The following TSPAN5 variants were observed in gnomAD, a reference collection of about 807,000 sequenced individuals.
The protein encoded by TSPAN5 is tetraspanin 5, also known as tetraspanin-5.
TSPAN5 carries 10 observed loss-of-function variants against 37.1 expected under a neutral mutation model. The ratio of observed to expected loss-of-function variants is 0.27; its 90% CI spans 0.17 to 0.46. The LOEUF is 0.46. Ranked by LOEUF, TSPAN5 falls within the 20% of genes least tolerant of loss-of-function variation. The pLI is 1.00. For synonymous variants in TSPAN5, 110 were observed against 118.9 expected (o/e 0.93, Z 0.48); for missense variants, 195 against 326.6 (o/e 0.60, Z 3.11).
At chr4:98,652,153 C>A (rs12507322) in intron 1 of TSPAN5, among the ~76,000 whole-genome samples, 1,752 of 152,264 alleles carry the variant, frequency 0.012, 107 homozygotes, top group Admixed American at 0.094. Context: ...AGCCCCCAAG[C>A]CTGGCCCAAA....
In TSPAN5 at chr4:98,544,179, CTGAATGAA is replaced by C. The variant is rs150914789; in HGVS notation, c.82-36459_82-36452del. ...TGAGTGACAGAGCAAGACCCTGTCTCTGAATGAATGAATGAATGAATGAACAAACAAGT... is the reference window on the plus strand; with the variant it reads ...TGAGTGACAGAGCAAGACCCTGTCTCTGAATGAATGAATGAACAAACAAGT... On this transcript the variant is annotated intron_variant, in intron 1 of 7. Transcript: ENST00000305798. Among the ~76,000 whole-genome samples, 484 of 152,176 alleles carry C rather than the reference CTGAATGAA, an allele frequency of 3.2e-3. 2 individuals are homozygous for C. Among genetic ancestry groups the C allele is most frequent in the African/African-American group, 0.011 (461 of 41,510 alleles).
At chr4:98,473,228 T>C (rs1024871040) in intron 7 of TSPAN5, among the ~76,000 whole-genome samples, 3 of 152,222 alleles carry the variant, frequency 2.0e-5, no homozygotes, top group Admixed American at 6.5e-5. Flanking sequence ...GGTAGCACTA[T>C]ATTTAACTTT....
intron 1 of TSPAN5, among the ~76,000 whole-genome samples, chr4:98,618,315 A>G (rs528479131): frequency 3.0e-4 from 45 of 152,300 alleles, no homozygotes; most frequent in Middle Eastern, 3.4e-3. Context: ...TAATCACACT[A>G]TTAATGTACT....
intron 5 of TSPAN5, among the ~76,000 whole-genome samples, 174 bp from the exon 6 acceptor site, chr4:98,476,634 A>G (rs1169707459): frequency 6.6e-6 from 1 of 152,222 alleles, no homozygotes; most frequent in Non-Finnish European, 1.5e-5. Flanking sequence ...TATTGCGACA[A>G]TCTTCAGAAG....
At chr4:98,498,194 T>C (rs1310988524) in intron 2 of TSPAN5, among the ~76,000 whole-genome samples, 1 of 152,036 alleles carries the variant, frequency 6.6e-6, no homozygotes, top group African/African-American at 2.4e-5. Context: ...GCAGGCACTC[T>C]TACCCATGTG....
At chr4:98,657,845 T>G (rs558109272) in intron 1 of TSPAN5, among the ~76,000 whole-genome samples, 27 of 152,174 alleles carry the variant, frequency 1.8e-4, no homozygotes, top group Admixed American at 2.6e-4. Flanking sequence ...TGCTCATTTC[T>G]CAAACTGCCG....
intron 1 of TSPAN5, among the ~76,000 whole-genome samples, chr4:98,610,386 G>C (rs1296116432): frequency 6.6e-6 from 1 of 152,154 alleles, no homozygotes; most frequent in Non-Finnish European, 1.5e-5. Flanking sequence ...TGCTCTTTGG[G>C]GGACACATTC....
At chr4:98,488,045 A>G (rs916850640) in intron 2 of TSPAN5, among the ~76,000 whole-genome samples, 3 of 150,812 alleles carry the variant, frequency 2.0e-5, no homozygotes, top group Non-Finnish European at 2.9e-5. Flanking sequence ...CCTTAATAAT[A>G]AAAAAAAATT....
chr4:98,585,831 G>A (rs1755474056), intron 1 of TSPAN5, among the ~76,000 whole-genome samples: 1 of 152,208 alleles, frequency 6.6e-6, no homozygotes, highest in African/African-American at 2.4e-5. Context: ...CTCTCTGGGT[G>A]CCAATCTCCT....
intron 1 of TSPAN5, among the ~76,000 whole-genome samples, chr4:98,560,527 T>G (rs1304889285): frequency 6.6e-6 from 1 of 152,186 alleles, no homozygotes; most frequent in Non-Finnish European, 1.5e-5. Context: ...GTTTTCCTTG[T>G]TTAGGACGTG....
At chr4:98,653,875 G>C (rs779280363) in intron 1 of TSPAN5, among the ~76,000 whole-genome samples, 1 of 152,142 alleles carries the variant, frequency 6.6e-6, no homozygotes, top group Non-Finnish European at 1.5e-5. Context: ...ATGTGACCTT[G>C]ACACTTCTCC....
intron 1 of TSPAN5, among the ~76,000 whole-genome samples, chr4:98,523,794 T>C (rs1265870023): frequency 6.6e-6 from 1 of 152,190 alleles, no homozygotes; most frequent in East Asian, 1.9e-4. Flanking sequence ...ACAGAAAGTA[T>C]AAAGGGACCA....
chr4:98,628,466 T>C (rs1326389784), intron 1 of TSPAN5, among the ~76,000 whole-genome samples: 1 of 152,188 alleles, frequency 6.6e-6, no homozygotes, highest in African/African-American at 2.4e-5. Flanking sequence ...TGCCTGGTAT[T>C]GGTTTAATTT....
intron 1 of TSPAN5, among the ~76,000 whole-genome samples, chr4:98,554,363 T>C (rs544964079): frequency 7.9e-5 from 12 of 152,232 alleles, no homozygotes; most frequent in African/African-American, 2.9e-4. Context: ...AGCCCTGCAA[T>C]GATTTAGTGA....
chr4:98,626,163 C>G (rs934757563), intron 1 of TSPAN5, among the ~76,000 whole-genome samples: 1 of 146,830 alleles, frequency 6.8e-6, no homozygotes, highest in African/African-American at 2.4e-5. Flanking sequence ...GCATCACTCA[C>G]GAACAGCCCA....
intron 1 of TSPAN5, among the ~76,000 whole-genome samples, chr4:98,650,485 C>T (rs1429402553): frequency 6.6e-6 from 1 of 152,072 alleles, no homozygotes; most frequent in Admixed American, 6.5e-5. Context: ...AATAAGTAAA[C>T]TGTTAAGAAT....
chr4:98,473,686 C>T (rs1232721607), intron 7 of TSPAN5, among the ~76,000 whole-genome samples: 1 of 152,168 alleles, frequency 6.6e-6, no homozygotes, highest in African/African-American at 2.4e-5. Context: ...GTCTCGATCT[C>T]CTGACCTCAT....
chr4:98,487,138 G>A (rs1324883625), intron 2 of TSPAN5, among the ~76,000 whole-genome samples: 6 of 141,428 alleles, frequency 4.2e-5, no homozygotes, highest in Non-Finnish European at 7.6e-5. Context: ...GGGAGGAAGC[G>A]AGGAAGGGAG....
chr4:98,619,980 A>G (rs1366696983), intron 1 of TSPAN5, among the ~76,000 whole-genome samples: 1 of 152,188 alleles, frequency 6.6e-6, no homozygotes, highest in Non-Finnish European at 1.5e-5. Flanking sequence ...ATTGAGTACT[A>G]GGTTTCAACA....
Sources: gnomAD v4.1 joint callset for allele counts (sites outside exome capture counted in the v4.1 genomes callset) on GRCh38, gnomAD v4.1.1 for gene constraint, MANE v1.5 for transcripts, NCBI Gene and HGNC (gene_info 2026-07-23, HGNC 2026-07-21) for gene names.